Variants in SPATA16 observed in about 807,000 individuals in gnomAD.
The protein encoded by SPATA16 is spermatogenesis-associated protein 16.
In SPATA16, 36 loss-of-function variants were observed where a neutral mutation model predicts 63.3. That is an observed-to-expected ratio of 0.57 (90% CI 0.44 to 0.75). The LOEUF is 0.75. Ranked by LOEUF, SPATA16 falls within the 30% of genes least tolerant of loss-of-function variation. The pLI, the probability that SPATA16 is intolerant of heterozygous loss-of-function variation, is 0.00. For synonymous variants in SPATA16, 203 were observed against 216.7 expected (o/e 0.94, Z 0.56); for missense variants, 646 against 679.3 (o/e 0.95, Z 0.54).
At chr3:173,035,039 G>A (rs956088172) in intron 3 of SPATA16, among the ~76,000 whole-genome samples, 1 of 152,138 alleles carries the variant, frequency 6.6e-6, no homozygotes, top group Non-Finnish European at 1.5e-5. Flanking sequence ...ACTTTGGAAA[G>A]AATACGCTTT....
chr3:173,090,876 A>G (rs1244064368), intron 2 of SPATA16, among the ~76,000 whole-genome samples: 2 of 152,194 alleles, frequency 1.3e-5, no homozygotes, highest in African/African-American at 2.4e-5. Flanking sequence ...GCAAGATTGC[A>G]TGTAATCACT....
intron 6 of SPATA16, among the ~76,000 whole-genome samples, chr3:172,931,839 G>A (rs536494828): frequency 6.6e-6 from 1 of 152,290 alleles, no homozygotes; most frequent in South Asian, 2.1e-4. Context: ...TTTGTACTGT[G>A]TGACTCAGTA....
chr3:173,043,311 C>T (rs1423835921), intron 3 of SPATA16, among the ~76,000 whole-genome samples: 1 of 151,778 alleles, frequency 6.6e-6, no homozygotes, highest in Non-Finnish European at 1.5e-5. Context: ...TATTGGCTTT[C>T]TAGCTATAAT....
At position 172,890,962 on chromosome 3, in the gene SPATA16, CAT is replaced by C. The variant is rs573970049; in HGVS notation, c.1588-1272_1588-1271del. 4.4e-3 allele frequency among the ~76,000 whole-genome samples: 641 copies of C among 147,340 alleles called. 5 individuals carry two copies. The highest frequency in any genetic ancestry group is 0.01 in the African/African-American group (421 of 40,372). On this transcript the variant is annotated intron_variant, in intron 10 of 10. Coordinates refer to ENST00000351008, the MANE Select transcript of SPATA16 (RefSeq NM_031955.6). ...ATTCTATGTATTCCATATATATATA[CAT>C]ATATATATATAATATGTGTATATAT...
intron 8 of SPATA16, among the ~76,000 whole-genome samples, chr3:172,917,818 GAACTTC>G (rs1732529174): frequency 6.6e-6 from 1 of 152,158 alleles, no homozygotes; most frequent in African/African-American, 2.4e-5. Context: ...TAATATTACT[GAACTTC>G]AACTTAAAAT....
At chr3:173,102,700 G>A (rs1320796229) in intron 2 of SPATA16, among the ~76,000 whole-genome samples, 1 of 152,130 alleles carries the variant, frequency 6.6e-6, no homozygotes, top group Admixed American at 6.5e-5. Context: ...ATTTGGAGGA[G>A]ACAGCCAAAT....
At chr3:172,978,494 T>C (rs960827664) in intron 4 of SPATA16, among the ~76,000 whole-genome samples, 3 of 152,190 alleles carry the variant, frequency 2.0e-5, no homozygotes, top group Non-Finnish European at 4.4e-5. Context: ...TAGAAATTCA[T>C]TTAATAAATT....
chr3:172,972,672 A>G (rs1012564030), intron 5 of SPATA16, among the ~76,000 whole-genome samples: 3 of 151,706 alleles, frequency 2.0e-5, no homozygotes, highest in South Asian at 2.1e-4. Flanking sequence ...CTGAAAAACT[A>G]TAAGCTTTTT....
chr3:173,047,142 G>A (rs1345379623), intron 3 of SPATA16, among the ~76,000 whole-genome samples: 6 of 151,358 alleles, frequency 4.0e-5, no homozygotes, highest in Non-Finnish European at 5.9e-5. Flanking sequence ...CTCAGGAATT[G>A]CAGCATCTTG....
At chr3:172,988,245 T>C (rs924032701) in intron 4 of SPATA16, among the ~76,000 whole-genome samples, 1 of 152,156 alleles carries the variant, frequency 6.6e-6, no homozygotes, top group Non-Finnish European at 1.5e-5. Flanking sequence ...TTTACTGAAA[T>C]GATACACATT....
chr3:172,963,620 G>A (rs1254227701), intron 5 of SPATA16, among the ~76,000 whole-genome samples: 1 of 151,952 alleles, frequency 6.6e-6, no homozygotes, highest in Non-Finnish European at 1.5e-5. Context: ...TATATGTGAT[G>A]CATCCATTAA....
chr3:172,920,001 C>G (rs890495765), intron 8 of SPATA16, among the ~76,000 whole-genome samples: 1 of 152,134 alleles, frequency 6.6e-6, no homozygotes, highest in African/African-American at 2.4e-5. Context: ...CCTATATGTT[C>G]ATTTTTTAAA....
At chr3:173,101,706 A>G (rs1737501070) in intron 2 of SPATA16, among the ~76,000 whole-genome samples, 1 of 152,152 alleles carries the variant, frequency 6.6e-6, no homozygotes. Flanking sequence ...ACTCCCCTCT[A>G]GCTTAGCAAC....
At position 172,912,416 on chromosome 3, in the gene SPATA16, G is replaced by A. The variant is rs142476290; in HGVS notation, c.1587+1245C>T. ...CTATTTTTTCTGGCATGGTAGATAT[G>A]TATTCAACACATATTTGCTGACAGT... On this transcript the variant is annotated intron_variant, in intron 10 of 10. Coordinates refer to ENST00000351008, the MANE Select transcript of SPATA16 (RefSeq NM_031955.6). 3.6e-3 allele frequency among the ~76,000 whole-genome samples: 544 copies of A among 152,214 alleles called. 4 individuals are homozygous for A. The highest frequency in any genetic ancestry group is 0.013 in the African/African-American group (521 of 41,532).
Position 173,087,837 on chromosome 3 carries a change from G to C in SPATA16, c.612+29283C>G, listed in dbSNP as rs535493359. ...GATGGAAATTCTTTGCTTTAAGAAT[G>C]TTGAATATTGGCCTCCAATCTCTTC... is the stretch of plus-strand genomic sequence containing the variant. On this transcript the variant is annotated intron_variant, in intron 2 of 10. Coordinates refer to ENST00000351008, the MANE Select transcript of SPATA16 (RefSeq NM_031955.6). 3.3e-5 allele frequency among the ~76,000 whole-genome samples: 5 copies of C among 152,260 alleles called. No individual in the cohort carries two copies. The East Asian group carries it at 9.7e-4, about 29-fold the overall frequency.
intron 2 of SPATA16, among the ~76,000 whole-genome samples, chr3:173,113,285 C>T (rs1325455838): frequency 6.6e-6 from 1 of 152,094 alleles, no homozygotes; most frequent in Non-Finnish European, 1.5e-5. Flanking sequence ...GTGTTTTTAT[C>T]TTCAGCTTAC....
intron 2 of SPATA16, among the ~76,000 whole-genome samples, chr3:173,110,570 T>C (rs990463405): frequency 2.0e-5 from 3 of 152,222 alleles, no homozygotes; most frequent in Non-Finnish European, 4.4e-5. Context: ...AGAAGTACAG[T>C]GACAACTTGT....
intron 2 of SPATA16, among the ~76,000 whole-genome samples, chr3:173,060,864 T>C (rs1010766744): frequency 1.3e-5 from 2 of 152,244 alleles, no homozygotes; most frequent in African/African-American, 4.8e-5. Context: ...TTTGGAAATA[T>C]GGTTTCCGGA....
intron 2 of SPATA16, among the ~76,000 whole-genome samples, chr3:173,092,831 GT>G (rs943524496): frequency 8.6e-5 from 13 of 152,036 alleles, no homozygotes; most frequent in Admixed American, 2.6e-4. Context: ...GACAAAAAAG[GT>G]TTTGTTTCTT....
Sources: allele counts gnomAD v4.1 joint callset (sites outside exome capture counted in the v4.1 genomes callset), GRCh38; gene constraint gnomAD v4.1.1; transcripts MANE v1.5; gene names NCBI Gene and HGNC (gene_info 2026-07-23, HGNC 2026-07-21).